The following CAMK1D variants were observed in gnomAD, a reference collection of about 807,000 sequenced individuals.
The protein encoded by CAMK1D is calcium/calmodulin-dependent protein kinase type 1D.
In CAMK1D, 9 loss-of-function variants were observed where a neutral mutation model predicts 47.7. The ratio of observed to expected loss-of-function variants is 0.19; its 90% confidence interval spans 0.11 to 0.33. The LOEUF (loss-of-function observed/expected upper bound fraction) is 0.33, where lower values mean the gene tolerates loss of function less well. CAMK1D is among the 10% of genes least tolerant of loss of function. The pLI is 1.00. For missense variants in CAMK1D, 291 were observed against 488.7 expected (o/e 0.60, Z 3.81); for synonymous variants, 184 against 184.9 (o/e 0.99, Z 0.04).
chr10:12,501,919 C>T (rs1834716891), intron 1 of CAMK1D, among the ~76,000 whole-genome samples: 2 of 152,238 alleles, frequency 1.3e-5, no homozygotes, highest in Admixed American at 6.5e-5. Context: ...CTGCTGTGAC[C>T]TCCATGGAGG....
intron 3 of CAMK1D, among the ~76,000 whole-genome samples, chr10:12,751,056 GATAAGATAAGAT>G (rs1564535284): frequency 3.4e-3 from 1 of 298 alleles, no homozygotes; most frequent in African/African-American, 0.014. Context: ...CCCCCAATAA[GATAAGATAAGAT>G]AAGATAAGAT....
chr10:12,729,294 A>G (rs1834787360), intron 3 of CAMK1D, among the ~76,000 whole-genome samples: 1 of 152,220 alleles, frequency 6.6e-6, no homozygotes, highest in African/African-American at 2.4e-5. Context: ...AACATAATAA[A>G]TAAGCAAATT....
At chr10:12,569,604 A>T (rs1837255147) in intron 2 of CAMK1D, among the ~76,000 whole-genome samples, 1 of 151,208 alleles carries the variant, frequency 6.6e-6, no homozygotes, top group South Asian at 2.1e-4. Context: ...CTGTAGTCCC[A>T]GCTACTCGGG....
intron 1 of CAMK1D, among the ~76,000 whole-genome samples, chr10:12,392,408 T>C (rs997309298): frequency 2.6e-5 from 4 of 152,136 alleles, no homozygotes; most frequent in African/African-American, 9.7e-5. Flanking sequence ...TTCTACTTTG[T>C]TCCTGAATTT....
At chr10:12,448,223 C>G (rs1231378171) in intron 1 of CAMK1D, among the ~76,000 whole-genome samples, 1 of 150,086 alleles carries the variant, frequency 6.7e-6, no homozygotes, top group African/African-American at 2.4e-5. Flanking sequence ...TTTTGTTTCT[C>G]TATATTGCCC....
rs568865124 is a variant in CAMK1D, at chr10:12,827,376, C to CT, written c.1040-1388dup. Among the ~76,000 whole-genome samples, 2 of 57,000 alleles carry CT rather than the reference C, an allele frequency of 3.5e-5. 1 individual carries two copies. Among genetic ancestry groups the CT allele is most frequent in the Non-Finnish European group, 8.4e-5 (2 of 23,950 alleles). The allele number at this position is 57,000 out of a possible 152,430, so 37.4% of individuals were successfully genotyped here. On this transcript the variant is annotated intron_variant, in intron 10 of 10. Transcript: ENST00000619168. ...TTCCTTTCTTTCTTTCTCTTTCTTT[C>CT]TTTTTCTTTCCCTTCCTTCCTTCCT...
rs147148818 is a variant in CAMK1D at position 12,443,716 on chromosome 10, G to A, written c.92+93806G>A. Among the ~76,000 whole-genome samples the A allele has an allele frequency of 1.9e-3, 284 of 152,008 alleles. 2 individuals carry two copies. Among genetic ancestry groups the A allele is most frequent in the African/African-American group, 6.7e-3 (276 of 41,462 alleles). ...GTGATCTTGGCTCACTACAGCCTCC[G>A]CTCCCCGGGTTCAAGCGATTCTCCT... On this transcript the variant is annotated intron_variant, in intron 1 of 10. Coordinates refer to ENST00000619168, the MANE Select transcript of CAMK1D (RefSeq NM_153498.4).
At chr10:12,417,596 C>A (rs1839898374) in intron 1 of CAMK1D, among the ~76,000 whole-genome samples, 1 of 152,046 alleles carries the variant, frequency 6.6e-6, no homozygotes, top group Non-Finnish European at 1.5e-5. Context: ...TGGGGTTCAG[C>A]CACAGTTGAG....
intron 2 of CAMK1D, among the ~76,000 whole-genome samples, chr10:12,623,560 G>A (rs977902823): frequency 6.5e-5 from 8 of 123,578 alleles, no homozygotes; most frequent in Admixed American, 1.8e-4. Flanking sequence ...CACATTTATC[G>A]GACCACAAAA....
chr10:12,434,116 G>A (rs1832563300), intron 1 of CAMK1D, among the ~76,000 whole-genome samples: 1 of 152,162 alleles, frequency 6.6e-6, no homozygotes, highest in Non-Finnish European at 1.5e-5. Flanking sequence ...GACTGCAGGA[G>A]CAATCCCTCA....
At chr10:12,490,801 A>C (rs1338263877) in intron 1 of CAMK1D, among the ~76,000 whole-genome samples, 2 of 152,174 alleles carry the variant, frequency 1.3e-5, no homozygotes, top group Non-Finnish European at 2.9e-5. Context: ...GCCAAAAAGA[A>C]AAAAGAAAAA....
intron 1 of CAMK1D, among the ~76,000 whole-genome samples, chr10:12,403,426 C>T (rs1171473995): frequency 6.6e-6 from 1 of 152,192 alleles, no homozygotes; most frequent in Non-Finnish European, 1.5e-5. Context: ...TAATCGATCC[C>T]ACTTTACTTG....
At chr10:12,720,550 G>A (rs151264403) in intron 3 of CAMK1D, among the ~76,000 whole-genome samples, 7 of 152,282 alleles carry the variant, frequency 4.6e-5, no homozygotes, top group East Asian at 3.9e-4. Context: ...TAGAGATGAC[G>A]TGGTAGATAA....
intron 1 of CAMK1D, among the ~76,000 whole-genome samples, chr10:12,419,652 A>G (rs902025744): frequency 1.3e-5 from 2 of 151,878 alleles, no homozygotes; most frequent in Admixed American, 6.6e-5. Flanking sequence ...ACACACACAC[A>G]CACACACACA....
At chr10:12,418,013 G>T (rs561707259) in intron 1 of CAMK1D, among the ~76,000 whole-genome samples, 3 of 152,112 alleles carry the variant, frequency 2.0e-5, no homozygotes, top group Non-Finnish European at 4.4e-5. Flanking sequence ...TGTTGGCCAG[G>T]CTGGTCTCGA....
intron 3 of CAMK1D, among the ~76,000 whole-genome samples, chr10:12,719,424 AAAG>A (rs1320354258): frequency 7.9e-6 from 1 of 126,542 alleles, no homozygotes; most frequent in African/African-American, 2.7e-5. Context: ...AAAAAAAAGA[AAAG>A]AAAAAAGAAA....
intron 1 of CAMK1D, among the ~76,000 whole-genome samples, chr10:12,429,003 A>G (rs1212171772): frequency 6.6e-6 from 1 of 152,174 alleles, no homozygotes; most frequent in Admixed American, 6.5e-5. Flanking sequence ...TTTATGAGCC[A>G]CCAGGTTTAT....
chr10:12,759,430 C>T (rs1184279208), intron 3 of CAMK1D, among the ~76,000 whole-genome samples: 1 of 152,178 alleles, frequency 6.6e-6, no homozygotes, highest in African/African-American at 2.4e-5. Context: ...TCTTCTGGTA[C>T]ATTCTCGAGC....
chr10:12,591,792 C>A (rs529639311), intron 2 of CAMK1D, among the ~76,000 whole-genome samples: 1 of 152,372 alleles, frequency 6.6e-6, no homozygotes. Context: ...CTCCTGGGTT[C>A]TAGTGATTCT....
Sources: allele counts gnomAD v4.1 joint callset (sites outside exome capture counted in the v4.1 genomes callset), GRCh38; gene constraint gnomAD v4.1.1; transcripts MANE v1.5; gene names NCBI Gene and HGNC (gene_info 2026-07-23, HGNC 2026-07-21).